KMT2D: variants seen among roughly 807,000 people sequenced by gnomAD.
KMT2D encodes histone-lysine N-methyltransferase 2D.
Under a neutral mutation model 512.7 loss-of-function variants are expected in KMT2D, and 55 were observed. The observed-to-expected ratio is 0.11, with a 90% confidence interval of 0.09 to 0.13. The LOEUF (loss-of-function observed/expected upper bound fraction) is 0.13. KMT2D is among the 10% of genes least tolerant of loss of function. The pLI is 1.00. For synonymous variants in KMT2D, 2,995 were observed against 2,904.0 expected, an observed-to-expected ratio of 1.03 and a Z score of -1.01; for missense variants, 6,061 against 7,127.9, an observed-to-expected ratio of 0.85 and a Z score of 5.39.
rs765486613 is a variant in KMT2D, at chr12:49,041,324, G to A, written c.6446C>T (p.Ser2149Leu). ...ACCAGGCGAGTCAGGGCCAGGCACC[G>A]AGCCCGCCGGCGGCTTCAGGAACCC... ...ADGFLKPPAG[S>L]VPGPDSPGEL... The change falls in exon 32 of 55, where the codon TCG becomes TTG. Residue 2149 changes from serine (S) to leucine (L), a missense_variant. Coordinates refer to ENST00000301067, the MANE Select transcript of KMT2D (RefSeq NM_003482.4). This position sits in a 1 kb window ranked among gnomAD's most constrained non-coding sequence, Gnocchi z 5.4. The A allele has an allele frequency of 1.6e-5, 24 of 1,538,910 alleles. No homozygotes were observed. Among genetic ancestry groups the A allele is most frequent in the Admixed American group, 6.0e-5 (3 of 49,698 alleles).
In KMT2D at chr12:49,022,008, C is replaced by G. The variant is rs1267457205; in HGVS notation, c.16521+35G>C. ...AGAGAAGGGGTGAAAGGAGGAGGAG[C>G]TGCTTTGTCACTCAGTCAGGATACT... On this transcript the variant is annotated intron_variant, in intron 54 of 54. Coordinates refer to ENST00000301067, the MANE Select transcript of KMT2D (RefSeq NM_003482.4). The surrounding 1 kb of genome is among the most constrained non-coding windows in gnomAD (Gnocchi z 8.6). 3 of 1,588,630 alleles carry G rather than the reference C, an allele frequency of 1.9e-6. No individual in the cohort carries two copies. Among genetic ancestry groups the G allele is most frequent in the Non-Finnish European group, 2.6e-6 (3 of 1,157,144 alleles).
At chr12:49,045,582 T>C (rs770246890) in intron 19 of KMT2D, among the ~76,000 whole-genome samples, 17 of 148,720 alleles carry the variant, frequency 1.1e-4, no homozygotes, top group Non-Finnish European at 1.9e-4. Flanking sequence ...AGGCAAAGCT[T>C]GCAATGTGCC....
intron 1 of KMT2D, among the ~76,000 whole-genome samples, chr12:49,057,870 T>C (rs1043996145): frequency 2.6e-5 from 4 of 152,166 alleles, no homozygotes; most frequent in Admixed American, 6.5e-5. Context: ...GGTACAGATC[T>C]AGGGAGTAAA....
At chr12:49,043,326 G>A (rs1378367077) in intron 25 of KMT2D, 37 bp downstream of exon 25, 17 of 1,607,608 alleles carry the variant, frequency 1.1e-5, no homozygotes, top group Middle Eastern at 1.7e-4. Flanking sequence ...AGGCAAGCAA[G>A]GCCAAGACAG....
rs1943002879 is a variant in KMT2D, at chr12:49,032,858, T to TGAAGCTGTTGCTGCTGC, written c.11846_11847insGCAGCAGCAACAGCTTC (p.Gln3954LeufsTer31). ...GCTGTTGTAGCTGCTGTTGCTGCTGTTGAAGCTGTTGCTGCTGCTGTTGTT... is the reference window on the plus strand; with the variant it reads ...GCTGTTGTAGCTGCTGTTGCTGCTGTGAAGCTGTTGCTGCTGCTGAAGCTGTTGCTGCTGCTGTTGTT... On this transcript the variant is annotated frameshift_variant, in exon 40 of 55. Transcript: ENST00000301067. LOFTEE classifies it high-confidence loss of function. 1 of 1,549,688 alleles carries TGAAGCTGTTGCTGCTGC rather than the reference T, an allele frequency of 6.5e-7. No individual in the cohort carries two copies. Among genetic ancestry groups the TGAAGCTGTTGCTGCTGC allele is most frequent in the Admixed American group, 2.0e-5 (1 of 50,970 alleles).
rs1394856555 is a variant in KMT2D, at chr12:49,044,164, T to C, written c.5188+36A>G. Reference sequence around the variant, plus strand: ...GGGTCTCTCTAGCATTGCCCCACCTTCTCCCAGGCCCCACTGGTGCCCTCA... The same window carrying C: ...GGGTCTCTCTAGCATTGCCCCACCTCCTCCCAGGCCCCACTGGTGCCCTCA... On this transcript the variant is annotated intron_variant, in intron 22 of 54. Transcript: ENST00000301067. The surrounding 1 kb of genome is among the most constrained non-coding windows in gnomAD (Gnocchi z 6.4). 6.2e-7 allele frequency: 1 copy of C among 1,603,376 alleles called. No homozygotes were observed. Among genetic ancestry groups the C allele is most frequent in the Admixed American group, 1.7e-5 (1 of 59,510 alleles).
rs1389078544 is a variant in KMT2D, at chr12:49,032,710, G to A, written c.11995C>T (p.Pro3999Ser). 1 of 1,610,850 alleles carries A rather than the reference G, an allele frequency of 6.2e-7. No homozygotes were observed. The highest frequency in any genetic ancestry group is 8.5e-7 in the Non-Finnish European group (1 of 1,178,484). The change falls in exon 40 of 55, where the codon CCT becomes TCT. Residue 3999 changes from proline (P) to serine (S), a missense_variant. By Grantham distance (74) the Pro-to-Ser change is moderately conservative. This residue lies in a region of KMT2D where 1,600 missense variants were observed against 1,754.9 expected (regional missense o/e 0.91). Transcript: ENST00000301067. ...TGAAGAGGCTTTGCTGGCATGCCAGGGCCAAGTGCCACTTGCTGCTGCTGT... is the reference window on the plus strand; with the variant it reads ...TGAAGAGGCTTTGCTGGCATGCCAGAGCCAAGTGCCACTTGCTGCTGCTGT... Reference protein sequence around the residue: ...QQQQQQVALGPGMPAKPLQHF... With the variant: ...QQQQQQVALGSGMPAKPLQHF...
Position 49,044,721 on chromosome 12 carries a change from T to C in KMT2D, c.4963+23A>G, listed in dbSNP as rs2120586756. 6.2e-7 allele frequency: 1 copy of C among 1,602,586 alleles called. No individual in the cohort carries two copies. Among genetic ancestry groups the C allele is most frequent in the Non-Finnish European group, 8.5e-7 (1 of 1,170,542 alleles). On this transcript the variant is annotated intron_variant, in intron 20 of 54. Coordinates refer to ENST00000301067, the MANE Select transcript of KMT2D (RefSeq NM_003482.4). The surrounding 1 kb of genome is among the most constrained non-coding windows in gnomAD (Gnocchi z 6.4). The stretch of plus-strand genomic sequence containing the variant: ...AGTCACGCTCCCCCTACTCTGCCGC[T>C]CCCTAAGATTCCCCAAGCTAACCTT...
In KMT2D at chr12:49,050,086, C is replaced by T. The variant is rs1183582467; in HGVS notation, c.3502G>A (p.Val1168Ile). ...EELAPVTPME[V>I]YPECKQTAGQ... ...GCTGTCTGCTTGCATTCGGGGTAGA[C>T]CTCCATAGGGGTCACAGGGGCCAGC... is the stretch of plus-strand genomic sequence containing the variant. The change falls in exon 12 of 55, where the codon GTC becomes ATC. Residue 1168 changes from valine to isoleucine, a missense_variant. Val to Ile is a conservative substitution (Grantham distance 29). Around this residue, in one of 16 missense-constraint regions of KMT2D, gnomAD observed 447 missense variants for 500.1 expected, o/e 0.89. Transcript: ENST00000301067. 7.4e-6 allele frequency: 12 copies of T among 1,613,742 alleles called. No individual in the cohort carries two copies. The highest frequency in any genetic ancestry group is 1.7e-5 in the Admixed American group (1 of 60,022).
rs1333349018 is a variant in KMT2D at position 49,044,306 on chromosome 12, T to TATGAGGAGGCAGAGTTGTGG, written c.5084-22_5084-3dup. 6.2e-7 allele frequency: 1 copy of TATGAGGAGGCAGAGTTGTGG among 1,613,886 alleles called. No individual in the cohort carries two copies. The highest frequency in any genetic ancestry group is 1.7e-5 in the Admixed American group (1 of 60,026). ...GTCGCACCATGAAACCACCAATGCCTATGAGGAGGCAGAGTTGTGGATGAG... is the reference window on the plus strand; with the variant it reads ...GTCGCACCATGAAACCACCAATGCCTATGAGGAGGCAGAGTTGTGGATGAGGAGGCAGAGTTGTGGATGAG... On this transcript the variant is annotated splice_region_variant and splice_polypyrimidine_tract_variant and intron_variant, in intron 21 of 54. Transcript: ENST00000301067. This position sits in a 1 kb window ranked among gnomAD's most constrained non-coding sequence, Gnocchi z 6.4.
rs1486732954 is a variant in KMT2D at position 49,060,756 on chromosome 12, G to A, written c.-1181C>T. ...CACCCCACTCGAGAGGGGGAGAAAG[G>A]AGAAGAGGCGGCCCTATTTTGTGTT... On this transcript the variant is annotated 5_prime_UTR_variant, in exon 1 of 55. Transcript: ENST00000301067. Among the ~76,000 whole-genome samples, 2 of 152,238 alleles carry A rather than the reference G, an allele frequency of 1.3e-5. No homozygotes were observed. The highest frequency in any genetic ancestry group is 4.8e-5 in the African/African-American group (2 of 41,474).
chr12:49,048,300 T>C (rs1415837789), intron 14 of KMT2D, among the ~76,000 whole-genome samples: 1 of 152,106 alleles, frequency 6.6e-6, no homozygotes, highest in Non-Finnish European at 1.5e-5. Flanking sequence ...TAAGAAGAAA[T>C]TAAAGGAAGA....
chr12:49,053,335 T>G lies in KMT2D; in HGVS notation c.840-14A>C, dbSNP rs374309012. On this transcript the variant is annotated splice_polypyrimidine_tract_variant and intron_variant, in intron 7 of 54. Transcript: ENST00000301067. ...TTCCCAGGTTTCCTGCAGGTGCACA[T>G]GGAACATTACAGTGTCCTCTCTGCC... The G allele has an allele frequency of 5.0e-6, 8 of 1,609,918 alleles. No homozygotes were observed. Among genetic ancestry groups the G allele is most frequent in the Non-Finnish European group, 6.8e-6 (8 of 1,176,374 alleles).
rs1942835924 is a variant in KMT2D at position 49,030,362 on chromosome 12, C to G, written c.13917G>C (p.Val4639=). Residue 4639 remains valine, a synonymous_variant, in exon 43 of 55, where the codon GTG becomes GTC. Coordinates refer to ENST00000301067, the MANE Select transcript of KMT2D (RefSeq NM_003482.4). ...TPPPSVQQKM[V]NGVTPSEELG... is the part of the protein sequence containing the mutation. ...GCTCTTCAGATGGGGTGACGCCATT[C>G]ACCATCTTCTGCTGCACCGATGGGG... is the stretch of plus-strand genomic sequence containing the variant. 1.9e-6 allele frequency: 3 copies of G among 1,602,512 alleles called. No individual in the cohort carries two copies. Among genetic ancestry groups the G allele is most frequent in the Non-Finnish European group, 2.6e-6 (3 of 1,174,648 alleles).
chr12:49,022,091 C>T lies in KMT2D; in HGVS notation c.16473G>A (p.Glu5491=), dbSNP rs778002036. 1 of 1,613,942 alleles carries T rather than the reference C, an allele frequency of 6.2e-7. No homozygotes were observed. Among genetic ancestry groups the T allele is most frequent in the Non-Finnish European group, 8.5e-7 (1 of 1,179,884 alleles). The change falls in exon 54 of 55, where the codon GAG becomes GAA. Residue 5491 remains glutamate, a synonymous_variant. Transcript: ENST00000301067. This position sits in a 1 kb window ranked among gnomAD's most constrained non-coding sequence, Gnocchi z 8.6. ...CVAEVVTFDK[E]DKIIIISSRR... is the part of the protein sequence containing the mutation. ...GGCTGGAGATGATGATGATTTTGTC[C>T]TCTTTGTCAAATGTCACGACTTCGG...
rs1942460343 is a variant in KMT2D at position 49,024,195 on chromosome 12, T to G, written c.16052+383A>C. 4.5e-6 allele frequency: 2 copies of G among 442,328 alleles called. No homozygotes were observed. The highest frequency in any genetic ancestry group is 3.6e-5 in the South Asian group (2 of 55,944). The allele number at this position is 442,328 out of a possible 1,614,324, so 27.4% of individuals were successfully genotyped here. On this transcript the variant is annotated intron_variant, in intron 51 of 54. Coordinates refer to ENST00000301067, the MANE Select transcript of KMT2D (RefSeq NM_003482.4). This position sits in a 1 kb window ranked among gnomAD's most constrained non-coding sequence, Gnocchi z 4.5. ...TATTTATTTTTGACACCAACACTCA[T>G]GGGGAAGGGAAGGTGACCCTAGCAC...
chr12:49,037,743 C>A lies in KMT2D; in HGVS notation c.9613G>T (p.Gly3205Ter). Residue 3205 changes from glycine to a stop codon, truncating the protein, a stop_gained, in exon 35 of 55, where the codon GGA becomes TGA. Transcript: ENST00000301067. LOFTEE classifies it high-confidence loss of function. ...LLTPSPLSGP[G>*]GSSLLEKFEL... ...AACTTTTCCAGCAGGGAGGATCCTC[C>A]TGGGCCACTCAGTGGGCTGGGGGTC... The A allele has an allele frequency of 6.3e-7, 1 of 1,589,456 alleles. No homozygotes were observed. The highest frequency in any genetic ancestry group is 8.6e-7 in the Non-Finnish European group (1 of 1,167,718).
rs1302505340 is a variant in KMT2D at position 49,037,923 on chromosome 12, G to A, written c.9433C>T (p.Pro3145Ser). 1.9e-6 allele frequency: 3 copies of A among 1,604,730 alleles called. No individual in the cohort carries two copies. Among genetic ancestry groups the A allele is most frequent in the Non-Finnish European group, 2.6e-6 (3 of 1,176,000 alleles). ...TIATPKVEPA[P>S]AANSLGLGLK... ...CCCAGGCCAAGGGAATTGGCAGCAG[G>A]TGCGGGCTCTACCTTGGGGGTAGCA... is the stretch of plus-strand genomic sequence containing the variant. Residue 3145 changes from proline to serine, a missense_variant, in exon 35 of 55, where the codon CCT becomes TCT. Pro to Ser is a moderately conservative substitution (Grantham distance 74). Around this residue, in one of 16 missense-constraint regions of KMT2D, gnomAD observed 533 missense variants for 539.6 expected, o/e 0.99. Transcript: ENST00000301067.
rs2120503856 is a variant in KMT2D, at chr12:49,038,775, G to A, written c.8581C>T (p.Leu2861=). ...GGCACTGGCTCACCAGGGCCTGGCA[G>A]ACGGGTGGAAATTCCCGCCAACGGG... ...GSPLAGISTR[L]PGPGEPVPGP... The change falls in exon 35 of 55, where the codon CTG becomes TTG. Residue 2861 remains leucine (L), a synonymous_variant. Coordinates refer to ENST00000301067, the MANE Select transcript of KMT2D (RefSeq NM_003482.4). The surrounding 1 kb of genome is among the most constrained non-coding windows in gnomAD (Gnocchi z 5.7). 1 of 1,599,676 alleles carries A rather than the reference G, an allele frequency of 6.3e-7. No homozygotes were observed. Among genetic ancestry groups the A allele is most frequent in the East Asian group, 2.3e-5 (1 of 44,162 alleles).
Sources: allele counts gnomAD v4.1 joint callset (sites outside exome capture counted in the v4.1 genomes callset), GRCh38; gene constraint gnomAD v4.1.1; regional missense constraint gnomAD v4.1.1; non-coding constraint Gnocchi (gnomAD v3.1); transcripts MANE v1.5; gene names NCBI Gene and HGNC (gene_info 2026-07-23, HGNC 2026-07-21).